Variants in CLCN7 observed in about 807,000 individuals in gnomAD.
CLCN7 encodes Cl-/H+ antiporter 7, also known as H(+)/Cl(-) exchange transporter 7.
A neutral mutation model predicts 102.1 loss-of-function variants in CLCN7; 60 were observed. That is an observed-to-expected ratio of 0.59 (90% CI 0.48 to 0.73). The LOEUF is 0.73. Among genes scored for constraint, CLCN7 ranks in the 30% least tolerant of loss-of-function variants. CLCN7 has a pLI of 0.00. For synonymous variants in CLCN7, 560 were observed against 490.5 expected (o/e 1.14, Z -1.87); for missense variants, 962 against 1,125.7 (o/e 0.85, Z 2.08).
chr16:1,472,013 G>A (rs559180170), intron 1 of CLCN7: 2 of 152,550 alleles, frequency 1.3e-5, no homozygotes, highest in South Asian at 2.1e-4. Context: ...TGCTCTTCAA[G>A]CCCAAGCCTT....
chr16:1,474,793 C>T, intron 1 of CLCN7, 41 bp downstream of exon 1: 1 of 1,278,178 alleles, frequency 7.8e-7, no homozygotes, highest in Non-Finnish European at 9.9e-7. Flanking sequence ...GCGGGGCGCA[C>T]GAGGGCTCAG....
chr16:1,454,305 A>T, intron 13 of CLCN7, 106 bp downstream of exon 13: 2 of 1,206,962 alleles, frequency 1.7e-6, no homozygotes, highest in Non-Finnish European at 2.4e-6. Flanking sequence ...CCCTGGGATG[A>T]GGGCAGGCTC....
chr16:1,453,783 G>T, intron 14 of CLCN7, 51 bp downstream of exon 14: 2 of 1,551,782 alleles, frequency 1.3e-6, no homozygotes, highest in South Asian at 1.1e-5. Flanking sequence ...CTTTCAAAGG[G>T]CCTGTGTGGC....
chr16:1,454,341 G>T (rs528818439), intron 13 of CLCN7, 70 bp downstream of exon 13: 2 of 1,516,418 alleles, frequency 1.3e-6, no homozygotes, highest in East Asian at 2.3e-5. Context: ...TCCAGTCCTC[G>T]TCTCTATGGC....
chr16:1,462,815 A>AAAGGTAGTGTTTTCAAC (rs2038958380), intron 2 of CLCN7, among the ~76,000 whole-genome samples: 1 of 152,182 alleles, frequency 6.6e-6, no homozygotes, highest in Non-Finnish European at 1.5e-5. Flanking sequence ...TTCAACAGAG[A>AAAGGTAGTGTTTTCAAC]AAGGTAGTGT....
intron 13 of CLCN7, 70 bp downstream of exon 13, chr16:1,454,341 G>A (rs528818439): frequency 6.6e-5 from 100 of 1,516,304 alleles, no homozygotes; most frequent in South Asian, 1.0e-4. Context: ...TCCAGTCCTC[G>A]TCTCTATGGC....
chr16:1,464,790 A>G (rs1016637179), intron 2 of CLCN7, among the ~76,000 whole-genome samples: 1 of 152,228 alleles, frequency 6.6e-6, no homozygotes, highest in Non-Finnish European at 1.5e-5. Flanking sequence ...CGGCCTCACC[A>G]GCGGCTGGGG....
intron 23 of CLCN7, 136 bp downstream of exon 23, chr16:1,447,256 A>C (rs1188587103): frequency 8.6e-7 from 1 of 1,169,570 alleles, no homozygotes; most frequent in East Asian, 2.6e-5. Context: ...AAAGCCTGCC[A>C]GGCCCTTCAC....
At chr16:1,452,016 G>C (rs969847855) in intron 15 of CLCN7, 1 of 401,000 alleles carries the variant, frequency 2.5e-6, no homozygotes, top group African/African-American at 2.1e-5. Context: ...GTCCATCCCT[G>C]GTGCCGGGGA....
At chr16:1,458,331 G>A (rs1386361460) in intron 7 of CLCN7, among the ~76,000 whole-genome samples, 43 of 152,376 alleles carry the variant, frequency 2.8e-4, no homozygotes, top group African/African-American at 2.4e-4. Flanking sequence ...GGGGAGGACT[G>A]TATGTTAAAG....
chr16:1,457,395 C>G lies in CLCN7; in HGVS notation c.739-58G>C, dbSNP rs1253269844. 1 of 1,472,412 alleles carries G rather than the reference C, an allele frequency of 6.8e-7. No individual in the cohort carries two copies. The highest frequency in any genetic ancestry group is 9.4e-7 in the Non-Finnish European group (1 of 1,059,500). The allele number at this position is 1,472,412 out of a possible 1,614,324, so 91.2% of individuals were successfully genotyped here. ...CGCGTGACGCGGCCCTTCCTGGAGA[C>G]CAGAAGGACCGATGCTCAGAGACAC... On this transcript the variant is annotated intron_variant, in intron 8 of 24. Transcript: ENST00000382745. This position sits in a 1 kb window ranked among gnomAD's most constrained non-coding sequence, Gnocchi z 5.4.
Position 1,457,184 on chromosome 16 carries a change from A to T in CLCN7, c.822+70T>A. 2 of 1,405,348 alleles carry T rather than the reference A, an allele frequency of 1.4e-6. No individual in the cohort carries two copies. Among genetic ancestry groups the T allele is most frequent in the South Asian group, 1.2e-5 (1 of 86,794 alleles). 87.1% of individuals were successfully genotyped at this position (1,405,348 alleles called of 1,614,324 possible). A position where few individuals can be genotyped will look rare whatever the true frequency, so the allele number is the denominator to read the frequency against. Reference sequence around the variant, plus strand: ...GGCCTGGGGGTGCTGAGGGAAGCCCATCTCCCTGAGTGGTGCCCGTGCCCG... The same window carrying T: ...GGCCTGGGGGTGCTGAGGGAAGCCCTTCTCCCTGAGTGGTGCCCGTGCCCG... On this transcript the variant is annotated intron_variant, in intron 9 of 24. Transcript: ENST00000382745. This position sits in a 1 kb window ranked among gnomAD's most constrained non-coding sequence, Gnocchi z 5.4.
intron 1 of CLCN7, chr16:1,474,452 T>C: frequency 2.9e-6 from 1 of 341,402 alleles, no homozygotes; most frequent in South Asian, 2.2e-5. Context: ...TCGTGTAGGA[T>C]GACAATTTTT....
chr16:1,451,605 G>A lies in CLCN7; in HGVS notation c.1447+18C>T, dbSNP rs184810373. 114 of 1,607,016 alleles carry A rather than the reference G, an allele frequency of 7.1e-5. No homozygotes were observed. The African/African-American group carries it at 1.1e-3, about 15-fold the overall frequency. On this transcript the variant is annotated intron_variant, in intron 16 of 24. Coordinates refer to ENST00000382745, the MANE Select transcript of CLCN7 (RefSeq NM_001287.6). Reference sequence around the variant, plus strand: ...GCCCTGATCCCAGGGCCTGCCCAGCGGCACTGCCCACACACACCTGGCGGG... The same window carrying A: ...GCCCTGATCCCAGGGCCTGCCCAGCAGCACTGCCCACACACACCTGGCGGG...
chr16:1,446,281 C>G lies in CLCN7; in HGVS notation c.*350G>C, dbSNP rs768419661. On this transcript the variant is annotated 3_prime_UTR_variant, in exon 25 of 25. Coordinates refer to ENST00000382745, the MANE Select transcript of CLCN7 (RefSeq NM_001287.6). ...GGGCAAGGGCTCTGTCTCACGCACA[C>G]GGGCACAGGCACGCAGGTGCCGGCC... The G allele has an allele frequency of 2.9e-6, 2 of 695,714 alleles. No individual in the cohort carries two copies. Among genetic ancestry groups the G allele is most frequent in the South Asian group, 1.5e-5 (1 of 66,776 alleles). 43.1% of individuals were successfully genotyped at this position (695,714 alleles called of 1,614,324 possible). A position where few individuals can be genotyped will look rare whatever the true frequency, so the allele number is the denominator to read the frequency against.
chr16:1,474,774 G>T, intron 1 of CLCN7, 60 bp downstream of exon 1: 1 of 1,185,000 alleles, frequency 8.4e-7, no homozygotes, highest in Non-Finnish European at 1.0e-6. Context: ...GCTCACGAGG[G>T]CGCGGGCTGC....
chr16:1,450,547 C>G lies in CLCN7; in HGVS notation c.1567G>C (p.Ala523Pro). The change falls in exon 17 of 25, where the codon GCC becomes CCC. Residue 523 changes from alanine (A) to proline (P), a missense_variant. Physicochemically the swap from Ala to Pro is conservative, Grantham distance 27. This residue lies in a region of CLCN7 where 799 missense variants were observed against 988.0 expected (regional missense o/e 0.81). Transcript: ENST00000382745. ...VFIPSLLIGA[A>P]WGRLFGISLS... Reference sequence around the variant, plus strand: ...GAGATCCCAAAGAGCCGGCCCCAGGCAGCCCCGATGAGCAGGGACGGGATG... The same window carrying G: ...GAGATCCCAAAGAGCCGGCCCCAGGGAGCCCCGATGAGCAGGGACGGGATG... 6.2e-7 allele frequency: 1 copy of G among 1,611,466 alleles called. No individual in the cohort carries two copies. Among genetic ancestry groups the G allele is most frequent in the South Asian group, 1.1e-5 (1 of 90,758 alleles).
intron 1 of CLCN7, 97 bp downstream of exon 1, chr16:1,474,737 G>C: frequency 1.8e-6 from 2 of 1,094,108 alleles, no homozygotes; most frequent in Middle Eastern, 3.6e-4. Context: ...TCGCCTCCAG[G>C]ACCGAGACAC....
At position 1,460,723 on chromosome 16, in the gene CLCN7, C is replaced by T. The variant is rs1238118359; in HGVS notation, c.484+93G>A. On this transcript the variant is annotated intron_variant, in intron 5 of 24. Transcript: ENST00000382745. ...AGCCTGGCCGGGCCGCCTCCACCTG[C>T]ACTGGAACACGCTGGGCTCAGGACT... The T allele has an allele frequency of 5.0e-6, 8 of 1,591,022 alleles. No homozygotes were observed. In the African/African-American group the frequency reaches 8.0e-5, roughly 16 times the overall value.
Sources: gnomAD v4.1 joint callset for allele counts (sites outside exome capture counted in the v4.1 genomes callset) on GRCh38, gnomAD v4.1.1 for gene constraint, gnomAD v4.1.1 regional missense constraint, Gnocchi (gnomAD v3.1) non-coding constraint, MANE v1.5 for transcripts, NCBI Gene and HGNC (gene_info 2026-07-23, HGNC 2026-07-21) for gene names.